CDH8: variants seen among roughly 807,000 people sequenced by gnomAD.
The protein encoded by CDH8 is cadherin-8.
CDH8 carries 17 observed loss-of-function variants against 68.1 expected under a neutral mutation model. That is an observed-to-expected ratio of 0.25 (90% CI 0.17 to 0.37). The LOEUF is 0.37. Among genes scored for constraint, CDH8 ranks in the 10% least tolerant of loss-of-function variants. CDH8 has a pLI of 1.00. For missense variants in CDH8, 763 were observed against 999.3 expected (o/e 0.76, Z 3.19); for synonymous variants, 372 against 365.1 (o/e 1.02, Z -0.21).
At chr16:62,006,095 A>T (rs1965969800) in intron 2 of CDH8, among the ~76,000 whole-genome samples, 1 of 152,222 alleles carries the variant, frequency 6.6e-6, no homozygotes. Flanking sequence ...GTGAGGCAAT[A>T]TGATCACTAG....
At chr16:61,675,642 A>G (rs1401740155) in intron 10 of CDH8, among the ~76,000 whole-genome samples, 2 of 145,840 alleles carry the variant, frequency 1.4e-5, no homozygotes, top group South Asian at 4.4e-4. Context: ...AAAAATAAAA[A>G]TAGTGTTATC....
intron 2 of CDH8, among the ~76,000 whole-genome samples, chr16:61,917,062 A>AGTGTGT (rs57232370): frequency 0.02 from 2,793 of 137,354 alleles, 46 homozygotes; most frequent in East Asian, 0.031. Flanking sequence ...TTTACCTATT[A>AGTGTGT]GTGTGTGTGT....
intron 4 of CDH8, among the ~76,000 whole-genome samples, chr16:61,837,683 CAG>C (rs1962596483): frequency 6.6e-6 from 1 of 151,990 alleles, no homozygotes; most frequent in African/African-American, 2.4e-5. Context: ...CTTTATAAAA[CAG>C]AGAGAGTGTT....
At chr16:61,686,143 G>A (rs1467338891) in intron 10 of CDH8, among the ~76,000 whole-genome samples, 1 of 152,002 alleles carries the variant, frequency 6.6e-6, no homozygotes, top group African/African-American at 2.4e-5. Context: ...ATATTTCTAT[G>A]TCAGTGAATC....
chr16:61,851,250 T>A (rs1962931703), intron 4 of CDH8, among the ~76,000 whole-genome samples: 1 of 151,942 alleles, frequency 6.6e-6, no homozygotes. Flanking sequence ...TTACATGGAT[T>A]TTTTTTCCCA....
At chr16:61,973,156 G>T (rs1965373087) in intron 2 of CDH8, among the ~76,000 whole-genome samples, 1 of 151,900 alleles carries the variant, frequency 6.6e-6, no homozygotes, top group South Asian at 2.1e-4. Flanking sequence ...TACCTCTTCT[G>T]ACTCTGCCAC....
chr16:61,671,591 CT>C (rs1487888685), intron 10 of CDH8, among the ~76,000 whole-genome samples: 1 of 151,872 alleles, frequency 6.6e-6, no homozygotes, highest in Non-Finnish European at 1.5e-5. Flanking sequence ...AAACATATAT[CT>C]TTGGGCAGAA....
At chr16:62,015,835 T>C (rs1901926011) in intron 2 of CDH8, among the ~76,000 whole-genome samples, 3 of 152,116 alleles carry the variant, frequency 2.0e-5, no homozygotes, top group Middle Eastern at 3.2e-3. Flanking sequence ...GATTGCAGTC[T>C]ACAAACTGGA....
chr16:61,706,619 T>TCAAAAAAAAAAAAAAAAAAAAAA (rs1964539214), intron 10 of CDH8, among the ~76,000 whole-genome samples: 1 of 31,310 alleles, frequency 3.2e-5, no homozygotes, highest in African/African-American at 1.7e-4. Context: ...AGACTCTGTC[T>TCAAAAAAAAAAAAAAAAAAAAAA]CAAAAAAAAA....
chr16:61,722,750 C>A (rs1418757627), intron 9 of CDH8, among the ~76,000 whole-genome samples: 1 of 150,792 alleles, frequency 6.6e-6, no homozygotes, highest in Admixed American at 6.6e-5. Flanking sequence ...AGATACATAT[C>A]ATCCAGAAGT....
chr16:61,976,112 C>T (rs1965428939), intron 2 of CDH8, among the ~76,000 whole-genome samples: 1 of 152,134 alleles, frequency 6.6e-6, no homozygotes, highest in East Asian at 1.9e-4. Context: ...CACTGGTAAT[C>T]CTATGCTTAA....
intron 2 of CDH8, among the ~76,000 whole-genome samples, chr16:61,915,792 G>C (rs1247699246): frequency 4.6e-5 from 7 of 152,108 alleles, no homozygotes; most frequent in Non-Finnish European, 7.4e-5. Context: ...AAGAGGCTAA[G>C]GATTGAGGTG....
At chr16:61,727,496 T>G (rs1214585269) in intron 8 of CDH8, among the ~76,000 whole-genome samples, 1 of 151,146 alleles carries the variant, frequency 6.6e-6, no homozygotes, top group Non-Finnish European at 1.5e-5. Context: ...GCAAGCTTTA[T>G]TTTATAGATA....
chr16:61,668,677 A>AC (rs1188087276), intron 10 of CDH8, among the ~76,000 whole-genome samples: 2 of 151,684 alleles, frequency 1.3e-5, no homozygotes, highest in African/African-American at 4.8e-5. Context: ...GGAAAAAAAA[A>AC]AAACAAACAC....
Position 61,652,309 on chromosome 16 carries a change from T to C in CDH8, c.*1299A>G, listed in dbSNP as rs1001831371. ...CGTAAACAGTGAAATTATGTACAAA[T>C]CAGTTCCTGCTCTAAAACTGTGGGG... On this transcript the variant is annotated 3_prime_UTR_variant, in exon 12 of 12. Coordinates refer to ENST00000577390, the MANE Select transcript of CDH8 (RefSeq NM_001796.5). 1.0e-6 allele frequency: 1 copy of C among 985,130 alleles called. No homozygotes were observed. The highest frequency in any genetic ancestry group is 1.2e-6 in the Non-Finnish European group (1 of 829,722). The allele number at this position is 985,130 out of a possible 1,614,324, so 61.0% of individuals were successfully genotyped here.
At chr16:61,820,097 C>T (rs1046382192) in intron 6 of CDH8, among the ~76,000 whole-genome samples, 13 of 151,944 alleles carry the variant, frequency 8.6e-5, no homozygotes, top group African/African-American at 3.1e-4. Context: ...ACAAAAGCAG[C>T]CTCAAATTTT....
At chr16:61,865,168 C>A (rs769071331) in intron 3 of CDH8, among the ~76,000 whole-genome samples, 1 of 152,160 alleles carries the variant, frequency 6.6e-6, no homozygotes, top group African/African-American at 2.4e-5. Context: ...TTCTTAACTG[C>A]AGTCAGGCGG....
chr16:61,996,053 G>A (rs1227516403), intron 2 of CDH8, among the ~76,000 whole-genome samples: 5 of 152,100 alleles, frequency 3.3e-5, no homozygotes, highest in South Asian at 2.1e-4. Flanking sequence ...TGTCTCCTTC[G>A]CCTCCAGACA....
At chr16:61,755,196 G>C (rs1276540135) in intron 8 of CDH8, among the ~76,000 whole-genome samples, 4 of 152,160 alleles carry the variant, frequency 2.6e-5, no homozygotes, top group Admixed American at 2.0e-4. Flanking sequence ...AGTGAAGAGT[G>C]CAAAGTATTG....
Sources: gnomAD v4.1 joint callset for allele counts (sites outside exome capture counted in the v4.1 genomes callset) on GRCh38, gnomAD v4.1.1 for gene constraint, MANE v1.5 for transcripts, NCBI Gene and HGNC (gene_info 2026-07-23, HGNC 2026-07-21) for gene names.